Variants in PTPRK observed in about 807,000 individuals in gnomAD.
The protein encoded by PTPRK is protein tyrosine phosphatase receptor type K.
PTPRK carries 75 observed loss-of-function variants against 178.0 expected under a neutral mutation model. The observed-to-expected ratio is 0.42, with a 90% CI of 0.35 to 0.51. PTPRK has a LOEUF of 0.51. Ranked by LOEUF, PTPRK falls within the 20% of genes least tolerant of loss-of-function variation. PTPRK has a pLI of 0.02. For synonymous variants in PTPRK, 637 were observed against 620.6 expected (o/e 1.03, Z -0.39); for missense variants, 1,441 against 1,797.8 (o/e 0.80, Z 3.59).
chr6:128,398,153 CA>C (rs1840578686), intron 1 of PTPRK, among the ~76,000 whole-genome samples: 1 of 152,158 alleles, frequency 6.6e-6, no homozygotes, highest in Non-Finnish European at 1.5e-5. Flanking sequence ...AGCAGCAGCT[CA>C]AGGGAACAGT....
intron 13 of PTPRK, among the ~76,000 whole-genome samples, chr6:128,037,029 G>T (rs999450940): frequency 6.6e-6 from 1 of 151,924 alleles, no homozygotes; most frequent in South Asian, 2.1e-4. Context: ...GCCGCTCCCC[G>T]CCCTCCCTAA....
chr6:128,301,315 T>C (rs1445668258), intron 3 of PTPRK, among the ~76,000 whole-genome samples: 2 of 152,124 alleles, frequency 1.3e-5, no homozygotes, highest in Admixed American at 1.3e-4. Context: ...AAATCAGAAA[T>C]TTTATTTTGT....
At chr6:128,076,290 G>T (rs1209817737) in intron 11 of PTPRK, among the ~76,000 whole-genome samples, 1 of 151,952 alleles carries the variant, frequency 6.6e-6, no homozygotes, top group Non-Finnish European at 1.5e-5. Flanking sequence ...GGCTACAGTT[G>T]CTGGTAGGGA....
chr6:128,453,564 T>A (rs1450183798), intron 1 of PTPRK, among the ~76,000 whole-genome samples: 1 of 152,160 alleles, frequency 6.6e-6, no homozygotes, highest in East Asian at 1.9e-4. Flanking sequence ...TTCATTTACC[T>A]TAGTTTGTAA....
chr6:128,291,733 T>C (rs1823414933), intron 3 of PTPRK, among the ~76,000 whole-genome samples: 1 of 152,270 alleles, frequency 6.6e-6, no homozygotes, highest in East Asian at 1.9e-4. Context: ...CAAGCTTGCA[T>C]ATGCAAACTT....
At chr6:128,033,972 G>C (rs549698046) in intron 13 of PTPRK, among the ~76,000 whole-genome samples, 1 of 151,974 alleles carries the variant, frequency 6.6e-6, no homozygotes, top group South Asian at 2.1e-4. Context: ...AAGAGGATGC[G>C]GACACCTCAA....
chr6:128,512,815 C>T (rs987572281), intron 1 of PTPRK, among the ~76,000 whole-genome samples: 2 of 152,162 alleles, frequency 1.3e-5, no homozygotes, highest in African/African-American at 2.4e-5. Context: ...TACCTACCAA[C>T]TCCCATTCAT....
intron 5 of PTPRK, among the ~76,000 whole-genome samples, chr6:128,226,796 A>ATATATATATATATG (rs1244431323): frequency 5.4e-5 from 7 of 128,782 alleles, no homozygotes; most frequent in African/African-American, 2.0e-4. Flanking sequence ...ATATATATAT[A>ATATATATATATATG]TATTTCAATA....
intron 6 of PTPRK, among the ~76,000 whole-genome samples, chr6:128,185,307 T>C (rs1409964998): frequency 6.6e-6 from 1 of 152,174 alleles, no homozygotes; most frequent in South Asian, 2.1e-4. Context: ...CAGCATAAGA[T>C]AAGGCAATTC....
At chr6:128,051,866 A>C (rs1779061636) in intron 13 of PTPRK, among the ~76,000 whole-genome samples, 1 of 152,136 alleles carries the variant, frequency 6.6e-6, no homozygotes, top group South Asian at 2.1e-4. Context: ...AAATGGCATA[A>C]ATCATTTTTT....
At chr6:128,338,816 T>G (rs910971650) in intron 2 of PTPRK, among the ~76,000 whole-genome samples, 2 of 152,130 alleles carry the variant, frequency 1.3e-5, no homozygotes, top group Non-Finnish European at 2.9e-5. Flanking sequence ...TTTACTTCTT[T>G]CTGGGGCTAT....
At chr6:128,495,894 A>T (rs1294547610) in intron 1 of PTPRK, among the ~76,000 whole-genome samples, 2 of 152,148 alleles carry the variant, frequency 1.3e-5, no homozygotes, top group Admixed American at 1.3e-4. Context: ...AATGCACCGC[A>T]TTCTCTCCAG....
intron 13 of PTPRK, among the ~76,000 whole-genome samples, chr6:128,019,802 A>G (rs1773207400): frequency 6.6e-6 from 1 of 152,180 alleles, no homozygotes; most frequent in African/African-American, 2.4e-5. Flanking sequence ...CATACTGAGA[A>G]TTAAAATAGA....
chr6:128,065,747 C>T (rs1421479318), intron 12 of PTPRK, among the ~76,000 whole-genome samples: 1 of 152,036 alleles, frequency 6.6e-6, no homozygotes, highest in Non-Finnish European at 1.5e-5. Context: ...AAATGTTGCA[C>T]TTCTATTACT....
chr6:128,212,058 T>C (rs1295168963), intron 6 of PTPRK, among the ~76,000 whole-genome samples: 1 of 152,088 alleles, frequency 6.6e-6, no homozygotes, highest in Admixed American at 6.6e-5. Flanking sequence ...ATAGTTGCTA[T>C]TTCATTGCAG....
At chr6:128,128,024 A>G (rs1009005108) in intron 7 of PTPRK, among the ~76,000 whole-genome samples, 1 of 152,208 alleles carries the variant, frequency 6.6e-6, no homozygotes, top group Non-Finnish European at 1.5e-5. Flanking sequence ...AAAATGTAGA[A>G]ATTAATGAGA....
At chr6:128,227,220 G>C (rs553248184) in intron 5 of PTPRK, among the ~76,000 whole-genome samples, 1 of 152,170 alleles carries the variant, frequency 6.6e-6, no homozygotes, top group African/African-American at 2.4e-5. Flanking sequence ...AAACGGCACT[G>C]TAGAAAGTGG....
At chr6:128,518,063 T>C (rs1269590641) in intron 1 of PTPRK, among the ~76,000 whole-genome samples, 1 of 152,176 alleles carries the variant, frequency 6.6e-6, no homozygotes, top group Non-Finnish European at 1.5e-5. Flanking sequence ...CAAAACAAAC[T>C]TATAATTTGT....
At chr6:128,434,371 C>A (rs1409897421) in intron 1 of PTPRK, among the ~76,000 whole-genome samples, 1 of 152,094 alleles carries the variant, frequency 6.6e-6, no homozygotes, top group Non-Finnish European at 1.5e-5. Context: ...ACTAATAATA[C>A]AAATAACTGA....
Sources: gnomAD v4.1 joint callset for allele counts (sites outside exome capture counted in the v4.1 genomes callset) on GRCh38, gnomAD v4.1.1 for gene constraint, MANE v1.5 for transcripts, NCBI Gene and HGNC (gene_info 2026-07-23, HGNC 2026-07-21) for gene names.